AHCTF1: variants seen among roughly 807,000 people sequenced by gnomAD.
AHCTF1 encodes the protein AT-hook containing transcription factor 1, also known as protein ELYS.
A neutral mutation model predicts 248.4 loss-of-function variants in AHCTF1; 24 were observed. The ratio of observed to expected loss-of-function variants is 0.10; its 90% confidence interval spans 0.07 to 0.14. The LOEUF (loss-of-function observed/expected upper bound fraction) is 0.14. Among genes scored for constraint, AHCTF1 ranks in the 10% least tolerant of loss-of-function variants. AHCTF1 has a pLI of 1.00. For synonymous variants in AHCTF1, 786 were observed against 929.8 expected (o/e 0.85, Z 2.81); for missense variants, 2,206 against 2,636.2 (o/e 0.84, Z 3.57).
chr1:246,868,851 T>G (rs914492429), intron 24 of AHCTF1, among the ~76,000 whole-genome samples: 13 of 144,366 alleles, frequency 9.0e-5, no homozygotes, highest in Non-Finnish European at 1.5e-4. Context: ...TTTTTGTTTT[T>G]TTTTTTTTTT....
intron 12 of AHCTF1, among the ~76,000 whole-genome samples, chr1:246,897,750 G>A (rs910851603): frequency 5.9e-5 from 9 of 152,258 alleles, no homozygotes; most frequent in African/African-American, 1.9e-4. Context: ...GGATGCCAAG[G>A]TGGGAGGGTA....
intron 34 of AHCTF1, 141 bp from the exon 35 acceptor site, chr1:246,842,917 C>G (rs1659985894): frequency 1.5e-6 from 1 of 662,968 alleles, no homozygotes; most frequent in Non-Finnish European, 2.6e-6. Context: ...TTTCTCATAC[C>G]TTTTAGTAGA....
chr1:246,856,123 A>G (rs1661095003), intron 30 of AHCTF1, among the ~76,000 whole-genome samples: 1 of 152,240 alleles, frequency 6.6e-6, no homozygotes, highest in Non-Finnish European at 1.5e-5. Flanking sequence ...ATTTAAGCCA[A>G]TTTTTAATAA....
chr1:246,889,772 ACTTC>A (rs1664091551), intron 17 of AHCTF1, among the ~76,000 whole-genome samples, 190 bp downstream of exon 17: 1 of 152,156 alleles, frequency 6.6e-6, no homozygotes, highest in Non-Finnish European at 1.5e-5. Context: ...TATTACCTTT[ACTTC>A]ATTTCAAAGG....
At chr1:246,856,655 T>A (rs753101948) in intron 30 of AHCTF1, among the ~76,000 whole-genome samples, 16 of 152,206 alleles carry the variant, frequency 1.1e-4, no homozygotes, top group Non-Finnish European at 2.2e-4. Flanking sequence ...ATAAATAACA[T>A]TAGTTTTCAT....
Position 246,847,699 on chromosome 1 carries a change from T to G in AHCTF1, c.6391+1916A>C, listed in dbSNP as rs532772929. On this transcript the variant is annotated intron_variant, in intron 33 of 35. Coordinates refer to ENST00000648844, the MANE Select transcript of AHCTF1 (RefSeq NM_001323342.2). ...ACTTTTTGTAGAGATGGGGTTTTTT[T>G]GGCCATGTTGTTGCAGGTATTTTTA... Among the ~76,000 whole-genome samples the G allele has an allele frequency of 1.4e-4, 21 of 152,280 alleles. No individual in the cohort carries two copies. The South Asian group carries it at 4.4e-3, about 32-fold the overall frequency.
At position 246,876,994 on chromosome 1, in the gene AHCTF1, C is replaced by A; in HGVS notation, c.2893G>T (p.Val965Leu). ...GTTTGGTTCAGCTTCAAGGCAGGCA[C>A]ATAATTGGCACGCTGCAAATGGTGC... Reference protein sequence around the residue: ...LVHHLQRANYVPALKLNQTLK... With the variant: ...LVHHLQRANYLPALKLNQTLK... Residue 965 changes from valine (V) to leucine (L), a missense_variant, in exon 23 of 36, where the codon GTG (valine) becomes TTG (leucine). This residue lies in a region of AHCTF1 where 955 missense variants were observed against 1,055.6 expected (regional missense o/e 0.90). Coordinates refer to ENST00000648844, the MANE Select transcript of AHCTF1 (RefSeq NM_001323342.2). 6.2e-7 allele frequency: 1 copy of A among 1,612,104 alleles called. No homozygotes were observed. The highest frequency in any genetic ancestry group is 8.5e-7 in the Non-Finnish European group (1 of 1,179,932).
intron 24 of AHCTF1, among the ~76,000 whole-genome samples, chr1:246,868,894 G>C (rs1440143931): frequency 6.7e-6 from 1 of 148,822 alleles, no homozygotes; most frequent in African/African-American, 2.5e-5. Context: ...ACCCAGGTTG[G>C]AGTGCAGTGG....
intron 27 of AHCTF1, 116 bp downstream of exon 27, chr1:246,863,808 G>A: frequency 9.8e-7 from 1 of 1,017,954 alleles, no homozygotes; most frequent in Non-Finnish European, 1.5e-6. Context: ...GATGCTTAAA[G>A]CATTTCCCAG....
chr1:246,923,071 A>C (rs1165837705), intron 1 of AHCTF1, among the ~76,000 whole-genome samples: 6 of 147,876 alleles, frequency 4.1e-5, no homozygotes, highest in Non-Finnish European at 3.0e-5. Context: ...ATACAACCAA[A>C]GGAGAATGAA....
intron 3 of AHCTF1, among the ~76,000 whole-genome samples, chr1:246,914,932 T>C (rs941367324): frequency 1.3e-5 from 2 of 152,222 alleles, no homozygotes; most frequent in African/African-American, 4.8e-5. Context: ...GTTCAGCTCC[T>C]CATCATTATT....
At chr1:246,842,203 G>A (rs1356981492) in intron 35 of AHCTF1, among the ~76,000 whole-genome samples, 2 of 152,052 alleles carry the variant, frequency 1.3e-5, no homozygotes, top group Non-Finnish European at 2.9e-5. Context: ...GTAAATGCCC[G>A]ATAATCTTTT....
rs147650038 is a variant in AHCTF1, at chr1:246,909,124, A to T, written c.557-1366T>A. On this transcript the variant is annotated intron_variant, in intron 4 of 35. Coordinates refer to ENST00000648844, the MANE Select transcript of AHCTF1 (RefSeq NM_001323342.2). ...CTATCTATCTATTTATATATATATA[A>T]AATTCAGCCAGGTGAGGTGGCTCAT... is the stretch of plus-strand genomic sequence containing the variant. Among the ~76,000 whole-genome samples, 1,247 of 145,902 alleles carry T rather than the reference A, an allele frequency of 8.5e-3. 30 individuals are homozygous for T. The South Asian group carries it at 0.1, about 12-fold the overall frequency.
chr1:246,853,325 T>A, intron 31 of AHCTF1, 26 bp from the exon 32 acceptor site: 1 of 1,576,524 alleles, frequency 6.3e-7, no homozygotes, highest in Non-Finnish European at 8.7e-7. Context: ...GTGAATTTTT[T>A]ACATTTAAAC....
chr1:246,912,051 G>A (rs1455018101), intron 4 of AHCTF1, among the ~76,000 whole-genome samples: 5 of 151,416 alleles, frequency 3.3e-5, no homozygotes, highest in Admixed American at 2.6e-4. Flanking sequence ...AGTTTTAATC[G>A]GTTTTTTTAT....
At chr1:246,842,854 A>T in intron 34 of AHCTF1, 78 bp from the exon 35 acceptor site, 1 of 1,296,502 alleles carries the variant, frequency 7.7e-7, no homozygotes, top group South Asian at 1.2e-5. Flanking sequence ...GACAAGGAAT[A>T]CTAGAGCCAA....
At chr1:246,902,212 T>C (rs998481084) in intron 8 of AHCTF1, among the ~76,000 whole-genome samples, 4 of 152,206 alleles carry the variant, frequency 2.6e-5, no homozygotes, top group Non-Finnish European at 5.9e-5. Context: ...ATGTATGCCA[T>C]ACATGGCTCA....
At position 246,885,606 on chromosome 1, in the gene AHCTF1, T is replaced by C; in HGVS notation, c.2547A>G (p.Ala849=). The C allele has an allele frequency of 1.9e-6, 3 of 1,612,848 alleles. No individual in the cohort carries two copies. The highest frequency in any genetic ancestry group is 1.7e-6 in the Non-Finnish European group (2 of 1,179,158). ...GTCTGTGCTCGCCCTGACTCATGAA[T>C]GCCTGAATAATCTTTGAATGTTGCC... ...LSWQHSKIIQ[A]FMSQGEHRQA... The change falls in exon 21 of 36, where the codon GCA becomes GCG. Residue 849 remains alanine, a synonymous_variant. Coordinates refer to ENST00000648844, the MANE Select transcript of AHCTF1 (RefSeq NM_001323342.2).
chr1:246,891,749 A>C, intron 15 of AHCTF1, 30 bp downstream of exon 15: 1 of 1,601,100 alleles, frequency 6.2e-7, no homozygotes, highest in East Asian at 2.2e-5. Context: ...AATTTAATAA[A>C]ACACTCATTT....
Sources: allele counts gnomAD v4.1 joint callset (sites outside exome capture counted in the v4.1 genomes callset), GRCh38; gene constraint gnomAD v4.1.1; regional missense constraint gnomAD v4.1.1; transcripts MANE v1.5; gene names NCBI Gene and HGNC (gene_info 2026-07-23, HGNC 2026-07-21).